Variants in MACROD1 observed in about 807,000 individuals in gnomAD.
The protein encoded by MACROD1 is ADP-ribose glycohydrolase MACROD1.
In MACROD1, 31 loss-of-function variants were observed where a neutral mutation model predicts 41.4. The ratio of observed to expected loss-of-function variants is 0.75; its 90% CI spans 0.56 to 1.01. The LOEUF (loss-of-function observed/expected upper bound fraction) is 1.01. Ranked by LOEUF, MACROD1 falls within the 50% of genes least tolerant of loss-of-function variation. The pLI is 0.00. For synonymous variants in MACROD1, 252 were observed against 203.4 expected (o/e 1.24, Z -2.03); for missense variants, 473 against 460.0 (o/e 1.03, Z -0.26).
chr11:64,127,592 T>C (rs1945205335), intron 3 of MACROD1, among the ~76,000 whole-genome samples: 1 of 152,110 alleles, frequency 6.6e-6, no homozygotes, highest in African/African-American at 2.4e-5. Flanking sequence ...GGGCCCTCTG[T>C]CCCCACCCAC....
At chr11:64,032,585 G>A (rs1943308585) in intron 3 of MACROD1, among the ~76,000 whole-genome samples, 1 of 152,156 alleles carries the variant, frequency 6.6e-6, no homozygotes, top group African/African-American at 2.4e-5. Flanking sequence ...GGGGCTTGGT[G>A]AGCTCAAGGT....
At chr11:64,159,772 C>G (rs1186986554) in intron 1 of MACROD1, among the ~76,000 whole-genome samples, 1 of 152,012 alleles carries the variant, frequency 6.6e-6, no homozygotes, top group Non-Finnish European at 1.5e-5. Context: ...CCAGCCTGGG[C>G]AACAAGAGCG....
chr11:64,155,550 G>A (rs1945654255), intron 1 of MACROD1, among the ~76,000 whole-genome samples: 1 of 152,234 alleles, frequency 6.6e-6, no homozygotes, highest in Non-Finnish European at 1.5e-5. Context: ...GAAGGTGGCT[G>A]TGTGCTGCAA....
intron 3 of MACROD1, among the ~76,000 whole-genome samples, chr11:64,041,906 G>T (rs1046101004): frequency 3.9e-5 from 6 of 152,210 alleles, no homozygotes; most frequent in African/African-American, 1.4e-4. Context: ...TAAAGCACAG[G>T]AGTGAGATTC....
chr11:64,071,259 C>T (rs942184404), intron 3 of MACROD1, among the ~76,000 whole-genome samples: 1 of 152,164 alleles, frequency 6.6e-6, no homozygotes, highest in African/African-American at 2.4e-5. Flanking sequence ...TCAGGGAACC[C>T]ACAGGGTTCC....
At chr11:64,006,679 C>T (rs2134326751) in intron 4 of MACROD1, among the ~76,000 whole-genome samples, 1 of 152,334 alleles carries the variant, frequency 6.6e-6, no homozygotes, top group East Asian at 1.9e-4. Context: ...AGGAGCTCCA[C>T]AGCCCTGCCT....
intron 1 of MACROD1, among the ~76,000 whole-genome samples, chr11:64,155,313 G>A (rs1485606022): frequency 6.6e-6 from 1 of 152,272 alleles, no homozygotes; most frequent in East Asian, 1.9e-4. Flanking sequence ...AGTGAGGCCA[G>A]TCGGTCTCTC....
At chr11:64,009,349 G>A (rs1942966291) in intron 4 of MACROD1, among the ~76,000 whole-genome samples, 1 of 152,188 alleles carries the variant, frequency 6.6e-6, no homozygotes, top group Non-Finnish European at 1.5e-5. Context: ...GCTGGCAGCT[G>A]CCCCAAGCCC....
chr11:64,010,693 TGGCATGTTGGC>T, intron 4 of MACROD1, among the ~76,000 whole-genome samples: 1 of 149,832 alleles, frequency 6.7e-6, no homozygotes, highest in Admixed American at 6.7e-5. Flanking sequence ...GGGTGTTGGC[TGGCATGTTGGC>T]TGGCATGTTG....
intron 3 of MACROD1, among the ~76,000 whole-genome samples, chr11:64,089,764 T>C (rs1324510299): frequency 6.6e-6 from 1 of 151,990 alleles, no homozygotes; most frequent in Non-Finnish European, 1.5e-5. Context: ...GCCAGTCCCG[T>C]GGGGGCAGGG....
intron 3 of MACROD1, among the ~76,000 whole-genome samples, chr11:64,059,787 C>T (rs184877450): frequency 1.9e-3 from 288 of 152,308 alleles, no homozygotes; most frequent in African/African-American, 6.3e-3. Context: ...CTGAGTTTCT[C>T]AGTTAATCAT....
chr11:64,044,157 G>A (rs1943541033), intron 3 of MACROD1, among the ~76,000 whole-genome samples: 1 of 151,862 alleles, frequency 6.6e-6, no homozygotes, highest in Admixed American at 6.6e-5. Flanking sequence ...AACCCCCTCA[G>A]CCTACAACAC....
At chr11:64,007,011 C>T (rs1370713802) in intron 4 of MACROD1, among the ~76,000 whole-genome samples, 4 of 152,114 alleles carry the variant, frequency 2.6e-5, no homozygotes, top group South Asian at 2.1e-4. Context: ...GGGAAGGGCA[C>T]GCATCCCCTG....
intron 1 of MACROD1, among the ~76,000 whole-genome samples, chr11:64,159,432 G>A (rs1945719516): frequency 6.6e-6 from 1 of 152,120 alleles, no homozygotes; most frequent in African/African-American, 2.4e-5. Flanking sequence ...GGTGGCGGAG[G>A]CTGCAGTGAG....
At chr11:64,058,187 C>CT (rs1943826956) in intron 3 of MACROD1, among the ~76,000 whole-genome samples, 1 of 152,268 alleles carries the variant, frequency 6.6e-6, no homozygotes, top group Non-Finnish European at 1.5e-5. Context: ...CACGAAATGA[C>CT]TAATCCTCTC....
At chr11:64,125,921 G>T (rs1565248858) in intron 3 of MACROD1, among the ~76,000 whole-genome samples, 1 of 152,146 alleles carries the variant, frequency 6.6e-6, no homozygotes, top group Admixed American at 6.5e-5. Flanking sequence ...CTGTAGACGG[G>T]AAAAAACAAA....
rs553329506 is a variant in MACROD1, at chr11:64,146,214, C to T, written c.517+5025G>A. On this transcript the variant is annotated intron_variant, in intron 3 of 10. Transcript: ENST00000255681. This position sits in a 1 kb window ranked among gnomAD's most constrained non-coding sequence, Gnocchi z 4.7. ...GGCCTAGTCAAGGTCACTGCACCCC[C>T]GTGGTAAAAAGGAGACATAAACACC... is the stretch of plus-strand genomic sequence containing the variant. Among the ~76,000 whole-genome samples the T allele has an allele frequency of 5.9e-5, 9 of 152,224 alleles. No homozygotes were observed. Among genetic ancestry groups the T allele is most frequent in the East Asian group, 1.9e-4 (1 of 5,174 alleles).
intron 3 of MACROD1, chr11:64,117,078 C>A (rs1366590826): frequency 6.2e-7 from 1 of 1,602,806 alleles, no homozygotes; most frequent in Admixed American, 1.7e-5. Flanking sequence ...GCCCAGCGCC[C>A]ACCTGCAGAA....
At chr11:64,131,135 G>A (rs1365246745) in intron 3 of MACROD1, among the ~76,000 whole-genome samples, 2 of 152,164 alleles carry the variant, frequency 1.3e-5, no homozygotes, top group African/African-American at 4.8e-5. Flanking sequence ...AGGGAGCTGC[G>A]GGTCTAAATG....
Sources: allele counts gnomAD v4.1 joint callset (sites outside exome capture counted in the v4.1 genomes callset), GRCh38; gene constraint gnomAD v4.1.1; non-coding constraint Gnocchi (gnomAD v3.1); transcripts MANE v1.5; gene names NCBI Gene and HGNC (gene_info 2026-07-23, HGNC 2026-07-21).